The following ARHGAP8 variants were observed in gnomAD, a reference collection of about 807,000 sequenced individuals.
The protein encoded by ARHGAP8 is Rho GTPase activating protein 8, also known as rho GTPase-activating protein 8.
ARHGAP8 carries 62 observed loss-of-function variants against 46.1 expected under a neutral mutation model. That is an observed-to-expected ratio of 1.34 (90% CI 1.10 to 1.66). The LOEUF is 1.66. Among genes scored for constraint, ARHGAP8 ranks in the 40% most tolerant of loss-of-function variants. The pLI, the probability that ARHGAP8 is intolerant of heterozygous loss-of-function variation, is 0.00. For synonymous variants in ARHGAP8, 375 were observed against 243.1 expected (o/e 1.54, Z -5.05); for missense variants, 923 against 568.4 (o/e 1.62, Z -6.34).
chr22:44,770,888 G>T (rs1602151581), intron 1 of ARHGAP8, among the ~76,000 whole-genome samples: 1 of 152,180 alleles, frequency 6.6e-6, no homozygotes, highest in African/African-American at 2.4e-5. Context: ...GTTTTGGGAA[G>T]GGCTATTATC....
At chr22:44,802,468 G>A (rs1027034170) in intron 3 of ARHGAP8, among the ~76,000 whole-genome samples, 2 of 152,160 alleles carry the variant, frequency 1.3e-5, no homozygotes, top group Admixed American at 6.5e-5. Context: ...AGGTGTAGGC[G>A]AACCTTGCAG....
chr22:44,854,533 C>T lies in ARHGAP8; in HGVS notation c.878-5198C>T, dbSNP rs1462851147. Among the ~76,000 whole-genome samples, 5 of 151,878 alleles carry T rather than the reference C, an allele frequency of 3.3e-5. No homozygotes were observed. The South Asian group carries it at 1.0e-3, about 32-fold the overall frequency. The stretch of plus-strand genomic sequence containing the variant: ...TAGGCATGAGCCACCATGCCAGGCC[C>T]TTGTTATGCATTTTTAACCCTACTT... On this transcript the variant is annotated intron_variant, in intron 10 of 11. Coordinates refer to ENST00000356099, the MANE Select transcript of ARHGAP8 (RefSeq NM_181335.3).
At chr22:44,828,942 C>T (rs984748528) in intron 7 of ARHGAP8, among the ~76,000 whole-genome samples, 8 of 151,674 alleles carry the variant, frequency 5.3e-5, no homozygotes, top group Admixed American at 3.3e-4. Context: ...TGTTTAGAGC[C>T]ACTTCTCTCT....
chr22:44,787,321 C>CTTTGTTTTGTTTTGT lies in ARHGAP8; in HGVS notation c.79+743_79+757dup, dbSNP rs150868916. Among the ~76,000 whole-genome samples, 63 of 150,754 alleles carry CTTTGTTTTGTTTTGT rather than the reference C, an allele frequency of 4.2e-4. 1 individual carries two copies. The highest frequency in any genetic ancestry group is 1.3e-3 in the South Asian group (6 of 4,736). On this transcript the variant is annotated intron_variant, in intron 2 of 11. Transcript: ENST00000356099. Reference sequence around the variant, plus strand: ...GGTCAGAGGAAAACATCTTGCGTTGCTTTGTTTTGTTTTGTTTTGTTTTGT... The same window carrying CTTTGTTTTGTTTTGT: ...GGTCAGAGGAAAACATCTTGCGTTGCTTTGTTTTGTTTTGTTTTGTTTTGTTTTGTTTTGTTTTGT...
At chr22:44,847,629 G>A (rs1045610605) in intron 8 of ARHGAP8, among the ~76,000 whole-genome samples, 6 of 152,186 alleles carry the variant, frequency 3.9e-5, no homozygotes, top group South Asian at 2.1e-4. Flanking sequence ...AGTCCTCTCT[G>A]CAGCCCTTGG....
At chr22:44,843,351 C>G (rs1228889263) in intron 7 of ARHGAP8, among the ~76,000 whole-genome samples, 2 of 152,022 alleles carry the variant, frequency 1.3e-5, no homozygotes, top group South Asian at 2.1e-4. Context: ...AATAGAATGC[C>G]AAATAGAAAT....
intron 10 of ARHGAP8, 151 bp from the exon 11 acceptor site, chr22:44,859,580 G>T (rs4336044): frequency 1.1e-5 from 8 of 739,406 alleles, no homozygotes; most frequent in East Asian, 2.7e-5. Flanking sequence ...AGAGCCATAC[G>T]GCCAGAAGAT....
intron 11 of ARHGAP8, among the ~76,000 whole-genome samples, chr22:44,861,325 T>G (rs1328310821): frequency 6.6e-6 from 1 of 152,170 alleles, no homozygotes; most frequent in Non-Finnish European, 1.5e-5. Flanking sequence ...GCCACCTCCA[T>G]GGGCACCGAT....
intron 1 of ARHGAP8, among the ~76,000 whole-genome samples, chr22:44,783,148 G>T (rs2147039953): frequency 1.3e-5 from 2 of 151,564 alleles, no homozygotes; most frequent in East Asian, 2.0e-4. Context: ...CACCACGTTG[G>T]CAGGGCTGGT....
intron 11 of ARHGAP8, 75 bp downstream of exon 11, chr22:44,859,909 C>G: frequency 1.3e-6 from 2 of 1,512,626 alleles, no homozygotes; most frequent in Non-Finnish European, 1.8e-6. Flanking sequence ...ATGGACCAGT[C>G]CCCTCCTTGC....
chr22:44,765,310 C>CATTG (rs1925470672), intron 1 of ARHGAP8: 1 of 152,394 alleles, frequency 6.6e-6, no homozygotes, highest in Non-Finnish European at 1.5e-5. Context: ...TCAGGAGGTG[C>CATTG]CCCTGCATTG....
At position 44,814,963 on chromosome 22, in the gene ARHGAP8, C is replaced by T. The variant is rs1031416147; in HGVS notation, c.386+205C>T. 3.9e-5 allele frequency among the ~76,000 whole-genome samples: 6 copies of T among 152,248 alleles called. 1 individual carries two copies. On this transcript the variant is annotated intron_variant, in intron 5 of 11. Coordinates refer to ENST00000356099, the MANE Select transcript of ARHGAP8 (RefSeq NM_181335.3). ...ACAGGAGTGCAGTGCCGGCCTTTGG[C>T]ACCTGTGGGGTTTGCACCTGGTGTT... is the stretch of plus-strand genomic sequence containing the variant.
chr22:44,780,854 C>A (rs1231895950), intron 1 of ARHGAP8, among the ~76,000 whole-genome samples: 1 of 152,118 alleles, frequency 6.6e-6, no homozygotes, highest in East Asian at 1.9e-4. Flanking sequence ...TGAGATAACA[C>A]CCTCATTCAC....
At chr22:44,818,705 C>CACTT (rs139607576) in intron 5 of ARHGAP8, among the ~76,000 whole-genome samples, 14,600 of 151,878 alleles carry the variant, frequency 0.096, 1,021 homozygotes, top group East Asian at 0.31. Context: ...CCTTCCTTTT[C>CACTT]TCTTTTTTTT....
intron 11 of ARHGAP8, among the ~76,000 whole-genome samples, chr22:44,860,434 CTG>C (rs998247517): frequency 6.6e-6 from 1 of 151,278 alleles, no homozygotes; most frequent in African/African-American, 2.5e-5. Context: ...TGGCCTTTGT[CTG>C]TGTGTGTGTC....
intron 7 of ARHGAP8, among the ~76,000 whole-genome samples, chr22:44,827,962 G>A (rs149925378): frequency 1.2e-4 from 19 of 152,296 alleles, no homozygotes; most frequent in African/African-American, 3.6e-4. Flanking sequence ...GCACGGTCCA[G>A]TATGGTAGCC....
At chr22:44,860,789 CACCCCCA>C (rs1464800335) in intron 11 of ARHGAP8, among the ~76,000 whole-genome samples, 25 of 152,170 alleles carry the variant, frequency 1.6e-4, no homozygotes, top group African/African-American at 6.0e-4. Flanking sequence ...CACGTGGGTC[CACCCCCA>C]ACCCCCAGAC....
chr22:44,825,709 C>A lies in ARHGAP8; in HGVS notation c.596+116C>A, dbSNP rs1472802481. ...TTTGTCTCCAGCAGCCAAGCTGAAC[C>A]CTGCAGGAAAGATAAAGCCTGAGCT... On this transcript the variant is annotated intron_variant, in intron 7 of 11. Coordinates refer to ENST00000356099, the MANE Select transcript of ARHGAP8 (RefSeq NM_181335.3). 6 of 1,247,704 alleles carry A rather than the reference C, an allele frequency of 4.8e-6. No individual in the cohort carries two copies. The Admixed American group carries it at 1.0e-4, about 21-fold the overall frequency. The allele number at this position is 1,247,704 out of a possible 1,614,324, so 77.3% of individuals were successfully genotyped here.
At chr22:44,832,592 T>C (rs1185445170) in intron 7 of ARHGAP8, among the ~76,000 whole-genome samples, 3 of 152,200 alleles carry the variant, frequency 2.0e-5, no homozygotes, top group African/African-American at 7.2e-5. Flanking sequence ...ATTTTTTAAA[T>C]ATGTTGATCT....
Sources: gnomAD v4.1 joint callset for allele counts (sites outside exome capture counted in the v4.1 genomes callset) on GRCh38, gnomAD v4.1.1 for gene constraint, MANE v1.5 for transcripts, NCBI Gene and HGNC (gene_info 2026-07-23, HGNC 2026-07-21) for gene names.